SPATA22: variants seen among roughly 807,000 people sequenced by gnomAD.
SPATA22 encodes the protein spermatogenesis-associated protein 22.
Under a neutral mutation model 47.8 loss-of-function variants are expected in SPATA22, and 29 were observed. That is an observed-to-expected ratio of 0.61 (90% CI 0.45 to 0.83). The LOEUF is 0.83. Among genes scored for constraint, SPATA22 ranks in the 40% least tolerant of loss-of-function variants. The pLI, the probability that SPATA22 is intolerant of heterozygous loss-of-function variation, is 0.00. For missense variants in SPATA22, 410 were observed against 421.7 expected (o/e 0.97, Z 0.24); for synonymous variants, 133 against 140.9 (o/e 0.94, Z 0.40).
At chr17:3,460,236 AT>A (rs1483075356) in intron 5 of SPATA22, among the ~76,000 whole-genome samples, 1 of 152,240 alleles carries the variant, frequency 6.6e-6, no homozygotes, top group South Asian at 2.1e-4. Flanking sequence ...ATCTAGTTCA[AT>A]TTTTTTCCCA....
At chr17:3,506,304 C>G (rs148477713) in intron 1 of SPATA22, among the ~76,000 whole-genome samples, 1,695 of 152,246 alleles carry the variant, frequency 0.011, 16 homozygotes, top group Admixed American at 0.016. Context: ...AGGGAGGTAC[C>G]TGCACACACC....
At chr17:3,477,476 G>A (rs2073546154) in intron 1 of SPATA22, among the ~76,000 whole-genome samples, 1 of 152,012 alleles carries the variant, frequency 6.6e-6, no homozygotes, top group Admixed American at 6.6e-5. Context: ...TTTTTGAGAT[G>A]GAGTTTCGCT....
chr17:3,482,368 G>T (rs899532902), intron 1 of SPATA22, among the ~76,000 whole-genome samples: 2 of 152,060 alleles, frequency 1.3e-5, no homozygotes, highest in Non-Finnish European at 2.9e-5. Flanking sequence ...TCATTTTAAG[G>T]CTCAGAAATC....
At chr17:3,497,357 A>T (rs2073926672) in intron 1 of SPATA22, among the ~76,000 whole-genome samples, 1 of 152,090 alleles carries the variant, frequency 6.6e-6, no homozygotes, top group Non-Finnish European at 1.5e-5. Context: ...TACAATAAAC[A>T]CAGAAAACAG....
chr17:3,493,325 G>A (rs1222888751), intron 1 of SPATA22, among the ~76,000 whole-genome samples: 1 of 152,140 alleles, frequency 6.6e-6, no homozygotes, highest in Non-Finnish European at 1.5e-5. Flanking sequence ...CACTTGGGGA[G>A]GCTGAGGCGG....
rs917013408 is a variant in SPATA22, at chr17:3,446,398, A to G, written c.802+74T>C. 1.7e-5 allele frequency: 25 copies of G among 1,446,340 alleles called. No homozygotes were observed. In the African/African-American group the frequency reaches 3.2e-4, roughly 19 times the overall value. 89.6% of individuals were successfully genotyped at this position (1,446,340 alleles called of 1,614,324 possible). A position where few individuals can be genotyped will look rare whatever the true frequency, so the allele number is the denominator to read the frequency against. On this transcript the variant is annotated intron_variant, in intron 7 of 8. Transcript: ENST00000572969. The stretch of plus-strand genomic sequence containing the variant: ...AAAGCAGACTGTTTTATTTGGAAGA[A>G]AAAGGACTAATCAGACATTAAAACC...
chr17:3,447,860 C>G (rs898311420), intron 6 of SPATA22, among the ~76,000 whole-genome samples: 1 of 152,168 alleles, frequency 6.6e-6, no homozygotes, highest in Non-Finnish European at 1.5e-5. Flanking sequence ...GTGACTCCTA[C>G]TGGCTGACCT....
chr17:3,476,241 G>C, upstream of SPATA22: 1 of 1,614,180 alleles, frequency 6.2e-7, no homozygotes, highest in Non-Finnish European at 8.5e-7. Flanking sequence ...GCTAACCGGA[G>C]TATTTCTGGT....
rs73307204 is a variant in SPATA22 at position 3,478,713 on chromosome 17, C to T, written c.-73-9315G>A. ...TGTTCAGAGACTAGACTGTTCCCAG[C>T]GTGGTTGAAAAATTATAAAATAGAT... On this transcript the variant is annotated intron_variant, in intron 1 of 8. Transcript: ENST00000541913. 5.3e-5 allele frequency among the ~76,000 whole-genome samples: 8 copies of T among 152,256 alleles called. No individual in the cohort carries two copies. The South Asian group carries it at 1.7e-3, about 32-fold the overall frequency.
intron 1 of SPATA22, among the ~76,000 whole-genome samples, chr17:3,487,659 T>C (rs886242513): frequency 3.3e-5 from 5 of 152,354 alleles, no homozygotes; most frequent in Non-Finnish European, 4.4e-5. Context: ...ACTTCAAGTA[T>C]TGATACTTTT....
intron 5 of SPATA22, 95 bp downstream of exon 5, chr17:3,462,388 T>C (rs1409370704): frequency 6.0e-6 from 5 of 831,108 alleles, no homozygotes; most frequent in Non-Finnish European, 9.5e-6. Context: ...TAATTCTGTC[T>C]GAGAAACAAC....
intron 3 of SPATA22, among the ~76,000 whole-genome samples, chr17:3,464,094 C>T (rs1260349619): frequency 6.6e-6 from 1 of 151,880 alleles, no homozygotes; most frequent in East Asian, 1.9e-4. Flanking sequence ...GATTCTCCTG[C>T]CTCACCCTGC....
chr17:3,445,071 A>G (rs986717866), intron 7 of SPATA22, among the ~76,000 whole-genome samples: 1 of 152,132 alleles, frequency 6.6e-6, no homozygotes, highest in Non-Finnish European at 1.5e-5. Context: ...ATGTCCTTTT[A>G]ATAGGCTCAG....
rs748061620 is a variant in SPATA22, at chr17:3,462,726, T to C, written c.214A>G (p.Met72Val). ...EAVNPELAPV[M>V]KTVDTGQIPH... ...ACATACCCGGTGTCCACTGTTTTCA[T>C]TACAGGAGCCAACTCTGGATTCACA... Residue 72 changes from methionine (M) to valine (V), a missense_variant, in exon 4 of 9, where the codon ATG (methionine) becomes GTG (valine). Physicochemically the swap from Met to Val is conservative, Grantham distance 21 (BLOSUM62 1). Coordinates refer to ENST00000572969, the MANE Select transcript of SPATA22 (RefSeq NM_001170698.2). 8 of 1,613,640 alleles carry C rather than the reference T, an allele frequency of 5.0e-6. No individual in the cohort carries two copies. Among genetic ancestry groups the C allele is most frequent in the East Asian group, 2.2e-5 (1 of 44,862 alleles).
intron 1 of SPATA22, chr17:3,499,211 G>A (rs914573514): frequency 2.1e-5 from 19 of 922,660 alleles, no homozygotes; most frequent in African/African-American, 5.1e-5. Flanking sequence ...TGCCTTATTC[G>A]GTAGGCATCT....
chr17:3,457,907 TC>T (rs2073033523), intron 5 of SPATA22, among the ~76,000 whole-genome samples: 1 of 152,120 alleles, frequency 6.6e-6, no homozygotes, highest in Non-Finnish European at 1.5e-5. Flanking sequence ...TTGACACTGG[TC>T]TTGCAAATGA....
At chr17:3,499,185 A>G (rs1460690282) in intron 1 of SPATA22, 4 of 1,342,726 alleles carry the variant, frequency 3.0e-6, no homozygotes, top group East Asian at 2.5e-5. Context: ...AACTGCATAC[A>G]TAGCTCCTAG....
intron 5 of SPATA22, among the ~76,000 whole-genome samples, chr17:3,456,091 CTGTT>C (rs1190698081): frequency 6.6e-6 from 1 of 152,106 alleles, no homozygotes; most frequent in African/African-American, 2.4e-5. Flanking sequence ...ATTTGGCTCT[CTGTT>C]TGTCTGTTAT....
In SPATA22 at chr17:3,443,309, G is replaced by A. The variant is rs373750145; in HGVS notation, c.803-38C>T. The A allele has an allele frequency of 4.9e-6, 7 of 1,414,560 alleles. No individual in the cohort carries two copies. The African/African-American group carries it at 1.0e-4, about 20-fold the overall frequency. 87.6% of individuals were successfully genotyped at this position (1,414,560 alleles called of 1,614,324 possible). A position where few individuals can be genotyped will look rare whatever the true frequency, so the allele number is the denominator to read the frequency against. On this transcript the variant is annotated intron_variant, in intron 7 of 8. Transcript: ENST00000572969. ...GAAATGGGGGAAAAAATGAATGTTG[G>A]TAAACTGCAAATAAAATTTAACAAA...
Sources: allele counts gnomAD v4.1 joint callset (sites outside exome capture counted in the v4.1 genomes callset), GRCh38; gene constraint gnomAD v4.1.1; transcripts MANE v1.5; gene names NCBI Gene and HGNC (gene_info 2026-07-23, HGNC 2026-07-21).